The following SUGCT variants were observed in gnomAD, a reference collection of about 807,000 sequenced individuals.
SUGCT encodes succinyl-CoA:glutarate-CoA transferase, also known as succinyl-CoA:glutarate CoA-transferase.
SUGCT carries 41 observed loss-of-function variants against 55.0 expected under a neutral mutation model. The observed-to-expected ratio is 0.74, with a 90% CI of 0.58 to 0.97. The LOEUF is 0.97. SUGCT is among the 50% of genes least tolerant of loss of function. SUGCT has a pLI of 0.00. For missense variants in SUGCT, 568 were observed against 547.8 expected, an observed-to-expected ratio of 1.04 and a Z score of -0.37; for synonymous variants, 187 against 200.4, an observed-to-expected ratio of 0.93 and a Z score of 0.56.
chr7:40,901,286 C>T, the SUGCT span, among the ~76,000 whole-genome samples: 1 of 152,228 alleles, frequency 6.6e-6, no homozygotes, highest in Non-Finnish European at 1.5e-5. Flanking sequence ...AACAATGACT[C>T]TCTTGGCTGG....
chr7:40,782,962 A>G (rs1789830477), intron 13 of SUGCT, among the ~76,000 whole-genome samples: 2 of 152,160 alleles, frequency 1.3e-5, no homozygotes, highest in Non-Finnish European at 2.9e-5. Context: ...GACTCAGTTA[A>G]CAGGAATCAG....
At chr7:40,594,321 ATAAAAAAAAAAAAAG>A (rs1483537029) in intron 12 of SUGCT, among the ~76,000 whole-genome samples, 58 of 147,202 alleles carry the variant, frequency 3.9e-4, no homozygotes, top group African/African-American at 1.5e-3. Flanking sequence ...AACTTAAAGT[ATAAAAAAAAAAAAAG>A]TAAAAAAAAA....
intron 12 of SUGCT, among the ~76,000 whole-genome samples, chr7:40,504,549 C>T (rs1346164279): frequency 6.6e-6 from 1 of 152,132 alleles, no homozygotes; most frequent in Non-Finnish European, 1.5e-5. Context: ...ACTCTCATGC[C>T]TCAGCCTTCC....
In SUGCT at chr7:40,643,004, C is replaced by T. The variant is rs145334473; in HGVS notation, c.1090-106430C>T. Among the ~76,000 whole-genome samples the T allele has an allele frequency of 9.4e-3, 1,424 of 152,176 alleles. 13 individuals are homozygous for T. The highest frequency in any genetic ancestry group is 0.031 in the East Asian group (159 of 5,180). On this transcript the variant is annotated intron_variant, in intron 12 of 13. Transcript: ENST00000335693. ...ATTCAAATTATTGTGTTGGAGGTGA[C>T]TGGAAGCTCCATTAGCTCATCACTT...
intron 9 of SUGCT, among the ~76,000 whole-genome samples, chr7:40,433,518 ACT>A (rs1169081290): frequency 2.6e-5 from 4 of 152,122 alleles, no homozygotes; most frequent in Admixed American, 6.6e-5. Context: ...TTTTGGTCTT[ACT>A]TAGTTAAGCC....
chr7:40,797,524 C>G (rs1214791911), intron 13 of SUGCT, among the ~76,000 whole-genome samples: 1 of 152,176 alleles, frequency 6.6e-6, no homozygotes, highest in Non-Finnish European at 1.5e-5. Context: ...CCACATCCAT[C>G]TGGTCAACAG....
chr7:40,263,492 G>A (rs1376012891), intron 7 of SUGCT, among the ~76,000 whole-genome samples: 2 of 151,924 alleles, frequency 1.3e-5, no homozygotes, highest in Non-Finnish European at 2.9e-5. Context: ...ATTGATTTGG[G>A]GTCTCATCTT....
the SUGCT span, among the ~76,000 whole-genome samples, chr7:40,960,218 C>T: frequency 6.6e-6 from 1 of 152,136 alleles, no homozygotes; most frequent in Non-Finnish European, 1.5e-5. Context: ...AGTGAATAAA[C>T]AACTACCCAC....
intron 12 of SUGCT, among the ~76,000 whole-genome samples, chr7:40,521,409 T>C (rs1216305028): frequency 6.6e-6 from 1 of 152,224 alleles, no homozygotes; most frequent in East Asian, 1.9e-4. Context: ...AAAATTGGGC[T>C]ACACAATGGA....
chr7:40,557,897 C>G (rs1034501927), intron 12 of SUGCT, among the ~76,000 whole-genome samples: 15 of 151,736 alleles, frequency 9.9e-5, no homozygotes, highest in African/African-American at 3.6e-4. Flanking sequence ...TTTAAAGAAC[C>G]TTTATTGGTC....
At chr7:40,422,125 G>C (rs1478724381) in intron 9 of SUGCT, among the ~76,000 whole-genome samples, 3 of 150,430 alleles carry the variant, frequency 2.0e-5, no homozygotes, top group African/African-American at 7.4e-5. Flanking sequence ...ACACAATTAA[G>C]GTGGATTTAA....
chr7:40,147,255 G>T (rs867639033), intron 1 of SUGCT, among the ~76,000 whole-genome samples: 3 of 151,776 alleles, frequency 2.0e-5, no homozygotes, highest in African/African-American at 7.3e-5. Flanking sequence ...CTTACTACTG[G>T]AGGTTTGTGT....
intron 9 of SUGCT, among the ~76,000 whole-genome samples, chr7:40,408,118 C>T (rs1786481598): frequency 6.6e-6 from 1 of 152,084 alleles, no homozygotes; most frequent in Non-Finnish European, 1.5e-5. Flanking sequence ...TAGAGCATTT[C>T]TTAAACTTGA....
At chr7:40,283,936 G>A (rs1405964879) in intron 8 of SUGCT, among the ~76,000 whole-genome samples, 2 of 152,144 alleles carry the variant, frequency 1.3e-5, no homozygotes, top group Non-Finnish European at 2.9e-5. Flanking sequence ...ATAAAGAAAT[G>A]TGTTATATAT....
At chr7:40,676,730 T>TG (rs1309351044) in intron 12 of SUGCT, among the ~76,000 whole-genome samples, 1 of 152,114 alleles carries the variant, frequency 6.6e-6, no homozygotes, top group African/African-American at 2.4e-5. Flanking sequence ...CTCGAACTCC[T>TG]GACGTCAGGT....
chr7:40,210,684 A>G (rs950446004), intron 6 of SUGCT, among the ~76,000 whole-genome samples: 2 of 152,132 alleles, frequency 1.3e-5, no homozygotes, highest in South Asian at 2.1e-4. Context: ...TTCCTGACGC[A>G]TGTGGCCCCT....
intron 13 of SUGCT, among the ~76,000 whole-genome samples, chr7:40,762,136 G>A (rs1246270915): frequency 6.6e-6 from 1 of 152,206 alleles, no homozygotes; most frequent in Non-Finnish European, 1.5e-5. Context: ...TGCAGATCAG[G>A]AATAGCTCAC....
At chr7:40,785,478 A>C (rs1789964263) in intron 13 of SUGCT, among the ~76,000 whole-genome samples, 1 of 152,214 alleles carries the variant, frequency 6.6e-6, no homozygotes, top group African/African-American at 2.4e-5. Flanking sequence ...CAGGAACTTA[A>C]GGTAAATCCA....
intron 9 of SUGCT, among the ~76,000 whole-genome samples, chr7:40,330,953 A>G (rs1796278325): frequency 6.6e-6 from 1 of 152,168 alleles, no homozygotes; most frequent in Admixed American, 6.5e-5. Context: ...TATTTTTCTA[A>G]AACATTATCT....
Sources: allele counts gnomAD v4.1 joint callset (sites outside exome capture counted in the v4.1 genomes callset), GRCh38; gene constraint gnomAD v4.1.1; transcripts MANE v1.5; gene names NCBI Gene and HGNC (gene_info 2026-07-23, HGNC 2026-07-21).